RAP1A: variants seen among roughly 807,000 people sequenced by gnomAD.
The protein encoded by RAP1A is ras-related protein Rap-1A.
Under a neutral mutation model 26.4 loss-of-function variants are expected in RAP1A, and 6 were observed. The ratio of observed to expected loss-of-function variants is 0.23; its 90% confidence interval spans 0.12 to 0.45. The LOEUF (loss-of-function observed/expected upper bound fraction) is 0.45, where lower values mean the gene tolerates loss of function less well. Among genes scored for constraint, RAP1A ranks in the 20% least tolerant of loss-of-function variants. The pLI, the probability that RAP1A is intolerant of heterozygous loss-of-function variation, is 0.99. For missense variants in RAP1A, 121 were observed against 217.2 expected (o/e 0.56, Z 2.78); for synonymous variants, 73 against 79.4 (o/e 0.92, Z 0.43).
At chr1:111,648,669 G>T (rs1409675747) in intron 1 of RAP1A, 10 of 537,750 alleles carry the variant, frequency 1.9e-5, no homozygotes. Context: ...AATCTTTAAG[G>T]ACTGGACTGT....
intron 1 of RAP1A, among the ~76,000 whole-genome samples, chr1:111,570,505 T>G (rs552216473): frequency 6.6e-6 from 1 of 152,238 alleles, no homozygotes; most frequent in East Asian, 1.9e-4. Flanking sequence ...AGAGGAGGGA[T>G]TCCACACTGA....
chr1:111,705,301 A>G (rs983047801), intron 6 of RAP1A, among the ~76,000 whole-genome samples: 1 of 152,206 alleles, frequency 6.6e-6, no homozygotes, highest in African/African-American at 2.4e-5. Flanking sequence ...ACAGGTAATC[A>G]GTCAGAATTC....
chr1:111,558,444 C>T (rs1354882682), intron 1 of RAP1A, among the ~76,000 whole-genome samples: 1 of 152,088 alleles, frequency 6.6e-6, no homozygotes, highest in Non-Finnish European at 1.5e-5. Flanking sequence ...GCCTCAGCCT[C>T]CCAAAGTGCT....
At chr1:111,698,609 A>G (rs1661914991) in intron 4 of RAP1A, among the ~76,000 whole-genome samples, 1 of 152,102 alleles carries the variant, frequency 6.6e-6, no homozygotes, top group Admixed American at 6.5e-5. Context: ...ATTCAGCACA[A>G]AGTTTTCCAC....
At chr1:111,647,429 G>A (rs981803674) in intron 1 of RAP1A, among the ~76,000 whole-genome samples, 9 of 152,096 alleles carry the variant, frequency 5.9e-5, no homozygotes, top group South Asian at 2.1e-4. Context: ...AATGTAATGC[G>A]TTTGAATCAT....
At chr1:111,686,889 G>A (rs1661501253) in intron 1 of RAP1A, among the ~76,000 whole-genome samples, 1 of 151,212 alleles carries the variant, frequency 6.6e-6, no homozygotes, top group African/African-American at 2.4e-5. Context: ...ACCTCTGAAT[G>A]AAATTCAGTG....
At chr1:111,570,020 T>C (rs1231783917) in intron 1 of RAP1A, among the ~76,000 whole-genome samples, 1 of 152,208 alleles carries the variant, frequency 6.6e-6, no homozygotes, top group Non-Finnish European at 1.5e-5. Context: ...GAGTGCTATG[T>C]CCTGACTGTG....
At chr1:111,610,567 CACACA>C (rs1658908993) in intron 1 of RAP1A, among the ~76,000 whole-genome samples, 1 of 151,454 alleles carries the variant, frequency 6.6e-6, no homozygotes, top group African/African-American at 2.4e-5. Flanking sequence ...CACACACACA[CACACA>C]CACACACACC....
chr1:111,708,476 G>C (rs1021746299), intron 6 of RAP1A, among the ~76,000 whole-genome samples: 4 of 152,222 alleles, frequency 2.6e-5, no homozygotes, highest in African/African-American at 9.6e-5. Context: ...CCAAAGAACT[G>C]TTCCAGATTT....
At chr1:111,683,921 T>A (rs1242269128) in intron 1 of RAP1A, among the ~76,000 whole-genome samples, 11 of 152,190 alleles carry the variant, frequency 7.2e-5, no homozygotes. Flanking sequence ...AATAAAATAC[T>A]GGCAAACTGA....
At chr1:111,627,960 T>C (rs1659451415) in intron 1 of RAP1A, among the ~76,000 whole-genome samples, 1 of 152,148 alleles carries the variant, frequency 6.6e-6, no homozygotes, top group South Asian at 2.1e-4. Context: ...TGTGAATGTT[T>C]AGAGCAGTAG....
intron 1 of RAP1A, among the ~76,000 whole-genome samples, chr1:111,623,931 T>C (rs1659306051): frequency 6.6e-6 from 1 of 152,194 alleles, no homozygotes; most frequent in Non-Finnish European, 1.5e-5. Flanking sequence ...TGACATGTGA[T>C]AGGGACACCG....
intron 1 of RAP1A, among the ~76,000 whole-genome samples, chr1:111,546,527 C>G (rs1289512546): frequency 6.6e-6 from 1 of 152,114 alleles, no homozygotes; most frequent in East Asian, 1.9e-4. Context: ...TAATACTTGT[C>G]CTTTTGTGAC....
chr1:111,682,057 A>G (rs1661312900), intron 1 of RAP1A, among the ~76,000 whole-genome samples: 1 of 152,234 alleles, frequency 6.6e-6, no homozygotes, highest in African/African-American at 2.4e-5. Context: ...TTCTTAAAAC[A>G]TAATTTTCAA....
At chr1:111,698,955 T>A (rs4839162) in intron 4 of RAP1A, among the ~76,000 whole-genome samples, 19,519 of 151,688 alleles carry the variant, frequency 0.13, 1,589 homozygotes, top group Non-Finnish European at 0.16. Flanking sequence ...TTTTTTTTTT[T>A]AAATCACATC....
At chr1:111,572,333 A>G (rs1351128708) in intron 1 of RAP1A, among the ~76,000 whole-genome samples, 1 of 152,232 alleles carries the variant, frequency 6.6e-6, no homozygotes, top group Non-Finnish European at 1.5e-5. Context: ...AGTTTCTTAC[A>G]TGTTGTGAAT....
intron 1 of RAP1A, among the ~76,000 whole-genome samples, chr1:111,556,410 G>A (rs1268938091): frequency 6.6e-6 from 1 of 152,134 alleles, no homozygotes; most frequent in Non-Finnish European, 1.5e-5. Context: ...TGACTCCCCA[G>A]AAGAATAGAA....
intron 1 of RAP1A, chr1:111,648,509 G>C (rs2101130828): frequency 1.8e-6 from 1 of 562,834 alleles, no homozygotes; most frequent in Non-Finnish European, 3.3e-6. Flanking sequence ...CCTGGGCCTG[G>C]CGTTGCCCCT....
At chr1:111,667,466 C>G (rs59536482) in intron 1 of RAP1A, among the ~76,000 whole-genome samples, 2,087 of 152,230 alleles carry the variant, frequency 0.014, 44 homozygotes, top group African/African-American at 0.048. Flanking sequence ...GGCTGGATCA[C>G]TTGACGTCAG....
Sources: gnomAD v4.1 joint callset for allele counts (sites outside exome capture counted in the v4.1 genomes callset) on GRCh38, gnomAD v4.1.1 for gene constraint, MANE v1.5 for transcripts, NCBI Gene and HGNC (gene_info 2026-07-23, HGNC 2026-07-21) for gene names.